Variants in PRDM11 observed in about 807,000 individuals in gnomAD.
The protein encoded by PRDM11 is PR/SET domain 11, also known as PR domain-containing protein 11.
Under a neutral mutation model 97.8 loss-of-function variants are expected in PRDM11, and 20 were observed. That is an observed-to-expected ratio of 0.20 (90% confidence interval 0.14 to 0.30). PRDM11 has a LOEUF of 0.30. Among genes scored for constraint, PRDM11 ranks in the 10% least tolerant of loss-of-function variants. The pLI, the probability that PRDM11 is intolerant of heterozygous loss-of-function variation, is 1.00. For missense variants in PRDM11, 1,139 were observed against 1,555.2 expected (o/e 0.73, Z 4.50); for synonymous variants, 599 against 637.7 (o/e 0.94, Z 0.91).
Position 45,232,433 on chromosome 11 carries a change from C to T in PRDM11, c.*4274C>T, listed in dbSNP as rs914919775. On this transcript the variant is annotated 3_prime_UTR_variant, in exon 8 of 8. Transcript: ENST00000683152. The stretch of plus-strand genomic sequence containing the variant: ...TTTCAGTCTGGGTTGATTTCCAAGT[C>T]GAATTCATGCTTTTTCTTGGCCCAT... The T allele has an allele frequency of 5.3e-5, 8 of 152,374 alleles. No homozygotes were observed. The highest frequency in any genetic ancestry group is 1.7e-4 in the African/African-American group (7 of 41,576). The allele number at this position is 152,374 out of a possible 1,614,324, so 9.4% of individuals were successfully genotyped here.
chr11:45,220,684 G>A (rs947325155), intron 6 of PRDM11, among the ~76,000 whole-genome samples: 1 of 152,154 alleles, frequency 6.6e-6, no homozygotes, highest in Non-Finnish European at 1.5e-5. Context: ...TGTCTGTACT[G>A]CAGTCCTAAT....
intron 4 of PRDM11, among the ~76,000 whole-genome samples, chr11:45,187,948 G>A (rs1852769704): frequency 6.6e-6 from 1 of 152,054 alleles, no homozygotes; most frequent in Admixed American, 6.6e-5. Flanking sequence ...CGGGGAAGGT[G>A]GGGTGAACAG....
intron 1 of PRDM11, among the ~76,000 whole-genome samples, chr11:45,108,046 A>G (rs968200584): frequency 3.3e-5 from 5 of 152,140 alleles, no homozygotes; most frequent in African/African-American, 1.2e-4. Flanking sequence ...GGGTCTCACC[A>G]TGTTGACTAG....
At chr11:45,164,184 C>G (rs78469981) in intron 1 of PRDM11, among the ~76,000 whole-genome samples, 3,586 of 152,304 alleles carry the variant, frequency 0.024, 61 homozygotes, top group Non-Finnish European at 0.037. Context: ...CGCGGGTCCC[C>G]GGTGGAGTGT....
At chr11:45,126,193 A>C (rs1852566883) in intron 1 of PRDM11, among the ~76,000 whole-genome samples, 1 of 151,756 alleles carries the variant, frequency 6.6e-6, no homozygotes, top group African/African-American at 2.4e-5. Flanking sequence ...TGCTTGGTAG[A>C]TCTTCCTCCA....
upstream of PRDM11, among the ~76,000 whole-genome samples, chr11:45,146,200 T>TG (rs1851503815): frequency 6.6e-6 from 1 of 152,058 alleles, no homozygotes; most frequent in South Asian, 2.1e-4. Flanking sequence ...AAGGGTTAAA[T>TG]GGGACCGGGA....
intron 1 of PRDM11, among the ~76,000 whole-genome samples, chr11:45,134,613 C>T (rs763631548): frequency 1.4e-5 from 2 of 138,814 alleles, no homozygotes; most frequent in African/African-American, 2.6e-5. Context: ...GTGGGAGAAT[C>T]GCTTGAGCCT....
At chr11:45,199,478 A>G (rs1304414229) in intron 4 of PRDM11, among the ~76,000 whole-genome samples, 1 of 152,172 alleles carries the variant, frequency 6.6e-6, no homozygotes, top group Non-Finnish European at 1.5e-5. Context: ...CTGCTTTCTC[A>G]GGCCTCTTCT....
At chr11:45,099,575 T>C (rs972277248) in intron 1 of PRDM11, among the ~76,000 whole-genome samples, 2 of 151,992 alleles carry the variant, frequency 1.3e-5, no homozygotes, top group African/African-American at 4.8e-5. Context: ...TTTTTATTTT[T>C]AATTTCTGTG....
Position 45,227,078 on chromosome 11 carries a change from T to C in PRDM11, c.2453T>C (p.Phe818Ser). ...TAATLCEETE[F>S]LGDIRAVRWI... The stretch of plus-strand genomic sequence containing the variant: ...GCCACCCTTTGTGAGGAGACAGAGT[T>C]CCTGGGCGATATCCGGGCAGTGCGG... Residue 818 changes from phenylalanine (F) to serine (S), a missense_variant, in exon 8 of 8, where the codon TTC (phenylalanine) becomes TCC (serine). By Grantham distance (155) the Phe-to-Ser change is radical. Around this residue, in one of 2 missense-constraint regions of PRDM11, gnomAD observed 710 missense variants for 1,044.9 expected, o/e 0.68. Transcript: ENST00000683152. The surrounding 1 kb of genome is among the most constrained non-coding windows in gnomAD (Gnocchi z 8.0). 6.5e-7 allele frequency: 1 copy of C among 1,533,896 alleles called. No homozygotes were observed. The highest frequency in any genetic ancestry group is 8.7e-7 in the Non-Finnish European group (1 of 1,146,718).
chr11:45,188,639 C>A (rs1343198168), intron 4 of PRDM11, among the ~76,000 whole-genome samples: 1 of 152,256 alleles, frequency 6.6e-6, no homozygotes, highest in Non-Finnish European at 1.5e-5. Context: ...CTCCACAACT[C>A]TCCTTCGTGG....
At chr11:45,104,311 A>G (rs1194300280) in intron 1 of PRDM11, among the ~76,000 whole-genome samples, 1 of 152,246 alleles carries the variant, frequency 6.6e-6, no homozygotes, top group Non-Finnish European at 1.5e-5. Flanking sequence ...GCAGCAGGGC[A>G]GCACAGGGCA....
At chr11:45,173,209 T>A (rs1317322371) in intron 1 of PRDM11, among the ~76,000 whole-genome samples, 5 of 152,120 alleles carry the variant, frequency 3.3e-5, no homozygotes, top group African/African-American at 9.7e-5. Context: ...TGAATCTCAC[T>A]TAGTTGGTCC....
chr11:45,160,023 C>T (rs1851892861), intron 1 of PRDM11, among the ~76,000 whole-genome samples: 1 of 152,228 alleles, frequency 6.6e-6, no homozygotes, highest in African/African-American at 2.4e-5. Context: ...AGATCCACAA[C>T]TCCAGCCTCT....
At chr11:45,150,120 TG>T (rs1297945929) in intron 1 of PRDM11, among the ~76,000 whole-genome samples, 2 of 152,186 alleles carry the variant, frequency 1.3e-5, no homozygotes, top group Non-Finnish European at 2.9e-5. Context: ...CCATTTGTCA[TG>T]TTCTGCCTCA....
intron 5 of PRDM11, among the ~76,000 whole-genome samples, chr11:45,209,552 C>T (rs962208879): frequency 6.6e-6 from 1 of 152,160 alleles, no homozygotes; most frequent in Non-Finnish European, 1.5e-5. Flanking sequence ...CCCACGCAGG[C>T]CCTGCTCTTG....
intron 5 of PRDM11, chr11:45,213,344 G>C (rs768037289): frequency 2.2e-6 from 1 of 454,656 alleles, no homozygotes; most frequent in African/African-American, 2.0e-5. Context: ...CTTGCAGGGA[G>C]GGGGGCGCAA....
At position 45,204,733 on chromosome 11, in the gene PRDM11, A is replaced by G. The variant is rs765641577; in HGVS notation, c.509A>G (p.Tyr170Cys). Residue 170 changes from tyrosine (Y) to cysteine (C), a missense_variant, in exon 5 of 8, where the codon TAT becomes TGT. Tyr to Cys is a radical substitution (Grantham distance 194). Coordinates refer to ENST00000683152, the MANE Select transcript of PRDM11 (RefSeq NM_001384648.1). ...CAGATTGTGGACAAGAACAACCGCT[A>G]TAAGTCCATAGATGGCTCAGACGAG... ...SWLIVDKNNR[Y>C]KSIDGSDETK... The G allele has an allele frequency of 2.7e-5, 43 of 1,612,910 alleles. No homozygotes were observed. The highest frequency in any genetic ancestry group is 4.4e-5 in the South Asian group (4 of 91,062).
At position 45,102,236 on chromosome 11, in the gene PRDM11, G is replaced by A. The variant is rs35211970; in HGVS notation, c.96+6335G>A. 0.01 allele frequency among the ~76,000 whole-genome samples: 288 copies of A among 28,642 alleles called. 52 individuals carry two copies. The East Asian group carries it at 0.24, about 24-fold the overall frequency. 18.8% of individuals were successfully genotyped at this position (28,642 alleles called of 152,430 possible). A position where few individuals can be genotyped will look rare whatever the true frequency, so the allele number is the denominator to read the frequency against. On this transcript the variant is annotated intron_variant, in intron 1 of 6. Coordinates refer to the PRDM11 transcript ENST00000530656. ...AAGAAGGCGTTCAGGGCTCAGAGCT[G>A]GAGGCTGAGCGGAGGAAGAAGAAGG...
Sources: allele counts gnomAD v4.1 joint callset (sites outside exome capture counted in the v4.1 genomes callset), GRCh38; gene constraint gnomAD v4.1.1; regional missense constraint gnomAD v4.1.1; non-coding constraint Gnocchi (gnomAD v3.1); transcripts MANE v1.5; gene names NCBI Gene and HGNC (gene_info 2026-07-23, HGNC 2026-07-21).